Variants in ZHX2 observed in about 807,000 individuals in gnomAD.
ZHX2 encodes zinc fingers and homeoboxes protein 2.
Under a neutral mutation model 21.9 loss-of-function variants are expected in ZHX2, and 6 were observed. That is an observed-to-expected ratio of 0.27 (90% CI 0.15 to 0.54). The LOEUF is 0.54. Among genes scored for constraint, ZHX2 ranks in the 20% least tolerant of loss-of-function variants. The pLI is 0.95. For missense variants in ZHX2, 908 were observed against 1,090.7 expected (o/e 0.83, Z 2.36); for synonymous variants, 434 against 437.1 (o/e 0.99, Z 0.09).
intron 2 of ZHX2, among the ~76,000 whole-genome samples, chr8:122,902,772 A>ATTG (rs1820261951): frequency 6.6e-6 from 1 of 152,074 alleles, no homozygotes; most frequent in Non-Finnish European, 1.5e-5. Flanking sequence ...ATAATGTTTA[A>ATTG]TTATTGTTAT....
intron 2 of ZHX2, among the ~76,000 whole-genome samples, chr8:122,936,648 A>T (rs949499305): frequency 6.6e-6 from 1 of 152,256 alleles, no homozygotes; most frequent in African/African-American, 2.4e-5. Flanking sequence ...AAACTGGTTT[A>T]AACAAATTGA....
intron 1 of ZHX2, among the ~76,000 whole-genome samples, chr8:122,847,387 T>C (rs1818776769): frequency 6.6e-6 from 1 of 152,214 alleles, no homozygotes; most frequent in Non-Finnish European, 1.5e-5. Context: ...GCCTGTCACC[T>C]TCCAGTCCTC....
intron 2 of ZHX2, among the ~76,000 whole-genome samples, chr8:122,913,600 T>G (rs150681620): frequency 6.6e-6 from 1 of 152,300 alleles, no homozygotes; most frequent in African/African-American, 2.4e-5. Flanking sequence ...TCTCCAGCAT[T>G]TGTGTTGCTC....
At chr8:122,871,052 A>G (rs1819422159) in intron 2 of ZHX2, among the ~76,000 whole-genome samples, 1 of 152,154 alleles carries the variant, frequency 6.6e-6, no homozygotes, top group African/African-American at 2.4e-5. Flanking sequence ...AGCAGCATGG[A>G]GTAGCAGTTA....
intron 1 of ZHX2, among the ~76,000 whole-genome samples, chr8:122,809,572 A>T (rs2130600876): frequency 6.6e-6 from 1 of 152,310 alleles, no homozygotes; most frequent in East Asian, 1.9e-4. Flanking sequence ...CAGGGGAAAG[A>T]AAACTCACTT....
At chr8:122,968,737 G>C (rs1464651034) in intron 3 of ZHX2, among the ~76,000 whole-genome samples, 1 of 152,024 alleles carries the variant, frequency 6.6e-6, no homozygotes, top group Non-Finnish European at 1.5e-5. Context: ...TACTTGGGAG[G>C]CTGAGGCAGG....
chr8:122,957,296 CAAAAA>C (rs34314877), intron 3 of ZHX2, among the ~76,000 whole-genome samples: 1 of 110,376 alleles, frequency 9.1e-6, no homozygotes. Flanking sequence ...GCTGTGTTCA[CAAAAA>C]AAAAAAAAAA....
rs557126322 is a variant in ZHX2, at chr8:122,883,072, A to T, written c.-220+19533A>T. ...TCATTGCATTTGGCCTGATGTCCAG[A>T]CTCTTTTCTCTGGTGATCCAAACCC... On this transcript the variant is annotated intron_variant, in intron 2 of 3. Coordinates refer to ENST00000314393, the MANE Select transcript of ZHX2 (RefSeq NM_014943.5). Among the ~76,000 whole-genome samples, 9 of 151,712 alleles carry T rather than the reference A, an allele frequency of 5.9e-5. No homozygotes were observed. The East Asian group carries it at 1.7e-3, about 29-fold the overall frequency.
chr8:122,834,157 A>G (rs1424933779), intron 1 of ZHX2, among the ~76,000 whole-genome samples: 2 of 152,304 alleles, frequency 1.3e-5, no homozygotes, highest in African/African-American at 4.8e-5. Flanking sequence ...GTTGCCCGGT[A>G]TTAATTCAAA....
chr8:122,940,568 C>T (rs987089044), intron 2 of ZHX2, among the ~76,000 whole-genome samples: 2 of 152,166 alleles, frequency 1.3e-5, no homozygotes, highest in Admixed American at 1.3e-4. Flanking sequence ...CTTCAAACTT[C>T]CATGGGCCAC....
In ZHX2 at chr8:122,917,807, A is replaced by T. The variant is rs559518780; in HGVS notation, c.-219-33485A>T. 3.3e-5 allele frequency among the ~76,000 whole-genome samples: 5 copies of T among 152,236 alleles called. No individual in the cohort carries two copies. The South Asian group carries it at 1.0e-3, about 32-fold the overall frequency. On this transcript the variant is annotated intron_variant, in intron 2 of 3. Transcript: ENST00000314393. ...TGCCGTGACATGTCTGGATCCTAAA[A>T]CAAACAGAATATAGGCTACAGAGGC... is the stretch of plus-strand genomic sequence containing the variant.
intron 1 of ZHX2, among the ~76,000 whole-genome samples, chr8:122,792,958 T>C (rs1563732120): frequency 6.6e-6 from 1 of 152,098 alleles, no homozygotes; most frequent in East Asian, 1.9e-4. Context: ...CTGTGCTCAC[T>C]GTTGTGGGGG....
At position 122,968,567 on chromosome 8, in the gene ZHX2, G is replaced by A. The variant is rs143554346; in HGVS notation, c.*5-4675G>A. The stretch of plus-strand genomic sequence containing the variant: ...AAATATTATGAGGCAGGCCAGGCAC[G>A]GTGGCTCATGCCTGTAATCGCAGCA... On this transcript the variant is annotated intron_variant, in intron 3 of 3. Coordinates refer to ENST00000314393, the MANE Select transcript of ZHX2 (RefSeq NM_014943.5). 1.0e-3 allele frequency among the ~76,000 whole-genome samples: 154 copies of A among 152,242 alleles called. 2 individuals carry two copies. The East Asian group carries it at 0.027, about 26-fold the overall frequency.
intron 2 of ZHX2, among the ~76,000 whole-genome samples, chr8:122,884,985 G>A (rs533688079): frequency 1.3e-5 from 2 of 152,288 alleles, no homozygotes; most frequent in African/African-American, 4.8e-5. Context: ...ATATTGTGCT[G>A]GGTCAGTGTA....
intron 2 of ZHX2, among the ~76,000 whole-genome samples, chr8:122,873,667 C>T (rs1242686342): frequency 1.3e-5 from 2 of 152,200 alleles, no homozygotes; most frequent in Non-Finnish European, 2.9e-5. Context: ...TTCCCACAAA[C>T]TTAGGCTTAA....
rs780360849 is a variant in ZHX2 at position 122,952,735 on chromosome 8, T to A, written c.1225T>A (p.Leu409Met). Residue 409 changes from leucine to methionine, a missense_variant, in exon 3 of 4, where the codon TTG (leucine) becomes ATG (methionine). Leu to Met is a conservative substitution (Grantham distance 15). Around this residue, in one of 4 missense-constraint regions of ZHX2, gnomAD observed 232 missense variants for 361.8 expected, o/e 0.64. Transcript: ENST00000314393. This position sits in a 1 kb window ranked among gnomAD's most constrained non-coding sequence, Gnocchi z 6.9. ...GVTNHGQKRP[L>M]VTPQAAPEPK... Reference sequence around the variant, plus strand: ...CACCAACCATGGCCAGAAGAGACCCTTGGTGACTCCCCAAGCTGCCCCCGA... The same window carrying A: ...CACCAACCATGGCCAGAAGAGACCCATGGTGACTCCCCAAGCTGCCCCCGA... The A allele has an allele frequency of 1.2e-6, 2 of 1,613,990 alleles. No homozygotes were observed. The highest frequency in any genetic ancestry group is 1.1e-5 in the South Asian group (1 of 91,074).
At chr8:122,805,285 T>C (rs1382043946) in intron 1 of ZHX2, among the ~76,000 whole-genome samples, 1 of 152,170 alleles carries the variant, frequency 6.6e-6, no homozygotes, top group Non-Finnish European at 1.5e-5. Context: ...CACCTGAGTA[T>C]TGAGACGGGC....
rs541913290 is a variant in ZHX2, at chr8:122,865,382, C to A, written c.-220+1843C>A. Among the ~76,000 whole-genome samples the A allele has an allele frequency of 5.9e-5, 9 of 152,248 alleles. No homozygotes were observed. In the South Asian group the frequency reaches 1.9e-3, roughly 32 times the overall value. On this transcript the variant is annotated intron_variant, in intron 2 of 3. Coordinates refer to ENST00000314393, the MANE Select transcript of ZHX2 (RefSeq NM_014943.5). The stretch of plus-strand genomic sequence containing the variant: ...TGACCTCATGATCCGCCCGCCTCAG[C>A]CTTCCAAAGTGCTGGGATTACAGGC...
rs149388421 is a variant in ZHX2, at chr8:122,953,859, C to T, written c.2349C>T (p.Asp783=). 1.4e-5 allele frequency: 23 copies of T among 1,614,176 alleles called. No homozygotes were observed. The African/African-American group carries it at 1.7e-4, about 12-fold the overall frequency. Residue 783 remains aspartate (D), a synonymous_variant, in exon 3 of 4, where the codon GAC becomes GAT. Transcript: ENST00000314393. This position sits in a 1 kb window ranked among gnomAD's most constrained non-coding sequence, Gnocchi z 4.6. ...GCAGCCGGGACGGCCAGGGTAGCGA[C>T]GAGAACGAGGAGTCGAGCGTTGTGG... ...EGSSRDGQGS[D]ENEESSVVDY...
Sources: gnomAD v4.1 joint callset for allele counts (sites outside exome capture counted in the v4.1 genomes callset) on GRCh38, gnomAD v4.1.1 for gene constraint, gnomAD v4.1.1 regional missense constraint, Gnocchi (gnomAD v3.1) non-coding constraint, MANE v1.5 for transcripts, NCBI Gene and HGNC (gene_info 2026-07-23, HGNC 2026-07-21) for gene names.